Variants in RAD21L1 observed in about 807,000 individuals in gnomAD.
RAD21L1 encodes the protein double-strand-break repair protein rad21-like protein 1.
A neutral mutation model predicts 69.0 loss-of-function variants in RAD21L1; 47 were observed. The ratio of observed to expected loss-of-function variants is 0.68; its 90% CI spans 0.54 to 0.87. RAD21L1 has a LOEUF of 0.87. Among genes scored for constraint, RAD21L1 ranks in the 40% least tolerant of loss-of-function variants. The pLI is 0.00. For missense variants in RAD21L1, 583 were observed against 647.6 expected (o/e 0.90, Z 1.08); for synonymous variants, 177 against 205.8 (o/e 0.86, Z 1.20).
rs1211008577 is a variant in RAD21L1, at chr20:1,246,176, G to A, written c.1309-37G>A. 8.7e-7 allele frequency: 1 copy of A among 1,153,644 alleles called. No homozygotes were observed. Among genetic ancestry groups the A allele is most frequent in the Non-Finnish European group, 1.2e-6 (1 of 809,006 alleles). The allele number at this position is 1,153,644 out of a possible 1,614,324, so 71.5% of individuals were successfully genotyped here. On this transcript the variant is annotated intron_variant, in intron 11 of 13. Transcript: ENST00000683101. The surrounding 1 kb of genome is among the most constrained non-coding windows in gnomAD (Gnocchi z 4.6). The stretch of plus-strand genomic sequence containing the variant: ...TTAGATTGTTCCTGTATAACCACTG[G>A]CAGATTTACCTAACTTTCCCTAATT...
intron 5 of RAD21L1, among the ~76,000 whole-genome samples, chr20:1,234,757 AT>A (rs200990103): frequency 2.7e-5 from 4 of 150,572 alleles, no homozygotes; most frequent in African/African-American, 4.9e-5. Flanking sequence ...TTATTTTTAA[AT>A]TTTTTTTTTG....
chr20:1,238,264 C>T, intron 6 of RAD21L1, 50 bp downstream of exon 6: 1 of 1,228,560 alleles, frequency 8.1e-7, no homozygotes, highest in Non-Finnish European at 1.1e-6. Context: ...CATCAAATTA[C>T]TACAATATAT....
rs1369753551 is a variant in RAD21L1 at position 1,254,629 on chromosome 20, T to A, written c.*172T>A. On this transcript the variant is annotated 3_prime_UTR_variant, in exon 14 of 14. Coordinates refer to ENST00000683101, the MANE Select transcript of RAD21L1 (RefSeq NM_001384355.1). Reference sequence around the variant, plus strand: ...TCATAGCTAGAATTGGAAACCTACATGCTTACAAAGAAATACTTTAAATTC... The same window carrying A: ...TCATAGCTAGAATTGGAAACCTACAAGCTTACAAAGAAATACTTTAAATTC... 1 of 422,382 alleles carries A rather than the reference T, an allele frequency of 2.4e-6. No homozygotes were observed. The highest frequency in any genetic ancestry group is 2.0e-5 in the African/African-American group (1 of 49,002). 26.2% of individuals were successfully genotyped at this position (422,382 alleles called of 1,614,324 possible). A position where few individuals can be genotyped will look rare whatever the true frequency, so the allele number is the denominator to read the frequency against.
intron 1 of RAD21L1, chr20:1,226,476 T>C (rs2087262223): frequency 6.5e-6 from 1 of 152,742 alleles, no homozygotes; most frequent in Non-Finnish European, 1.5e-5. Flanking sequence ...AGCGTGGCCG[T>C]CAGCTCTTCC....
chr20:1,234,985 C>T (rs2087465322), intron 5 of RAD21L1, among the ~76,000 whole-genome samples: 1 of 152,164 alleles, frequency 6.6e-6, no homozygotes, highest in South Asian at 2.1e-4. Flanking sequence ...TCAAGCAATC[C>T]TCCTGCCTCA....
chr20:1,239,119 G>C (rs1008837474), intron 6 of RAD21L1, among the ~76,000 whole-genome samples, 193 bp from the exon 7 acceptor site: 1 of 152,048 alleles, frequency 6.6e-6, no homozygotes, highest in South Asian at 2.1e-4. Flanking sequence ...GAGCCACTGC[G>C]CCCAGCCAAA....
intron 4 of RAD21L1, among the ~76,000 whole-genome samples, chr20:1,232,104 G>A (rs2087402471): frequency 6.6e-6 from 1 of 152,188 alleles, no homozygotes; most frequent in Non-Finnish European, 1.5e-5. Flanking sequence ...GAACAAATCA[G>A]TAATGTGGGG....
At chr20:1,247,747 A>G (rs574374542) in intron 12 of RAD21L1, among the ~76,000 whole-genome samples, 1 of 152,220 alleles carries the variant, frequency 6.6e-6, no homozygotes, top group South Asian at 2.1e-4. Flanking sequence ...AAGCACTTTT[A>G]GGAAGTGTCT....
rs1025292351 is a variant in RAD21L1 at position 1,235,716 on chromosome 20, G to A, written c.475+1525G>A. Among the ~76,000 whole-genome samples the A allele has an allele frequency of 4.0e-5, 6 of 151,630 alleles. 1 individual carries two copies. The highest frequency in any genetic ancestry group is 1.5e-4 in the African/African-American group (6 of 41,252). ...AGGTAATCATATTCCCTACTCCCAA[G>A]ACACTCTTTACAAATTCCCCTACTA... On this transcript the variant is annotated intron_variant, in intron 5 of 13. Transcript: ENST00000683101.
chr20:1,229,104 C>T (rs2087330753), intron 2 of RAD21L1, among the ~76,000 whole-genome samples: 1 of 152,166 alleles, frequency 6.6e-6, no homozygotes, highest in African/African-American at 2.4e-5. Flanking sequence ...AAATTGAAAG[C>T]CTATGGTGTG....
intron 4 of RAD21L1, among the ~76,000 whole-genome samples, chr20:1,233,101 T>C (rs937593524): frequency 5.3e-5 from 8 of 152,204 alleles, no homozygotes; most frequent in African/African-American, 1.9e-4. Context: ...AATAAATTTC[T>C]GTTGTTTATC....
chr20:1,238,519 T>C (rs370772662), intron 6 of RAD21L1, among the ~76,000 whole-genome samples: 2 of 152,226 alleles, frequency 1.3e-5, no homozygotes, highest in East Asian at 3.9e-4. Flanking sequence ...TTATAAAATA[T>C]ACTAGGCTAT....
chr20:1,245,178 C>G (rs980827431), intron 11 of RAD21L1, among the ~76,000 whole-genome samples: 1 of 152,138 alleles, frequency 6.6e-6, no homozygotes, highest in African/African-American at 2.4e-5. Context: ...AACCTTTACT[C>G]CTTTACCTTA....
At chr20:1,234,271 C>A in intron 5 of RAD21L1, 80 bp downstream of exon 5, 1 of 693,088 alleles carries the variant, frequency 1.4e-6, no homozygotes, top group African/African-American at 1.8e-5. Flanking sequence ...TGCCAGTAGA[C>A]GTAGCTATAG....
intron 5 of RAD21L1, among the ~76,000 whole-genome samples, chr20:1,236,756 T>G (rs1249108548): frequency 6.6e-6 from 1 of 152,244 alleles, no homozygotes; most frequent in East Asian, 1.9e-4. Context: ...CTATAAAAAC[T>G]GCTTCAAACC....
intron 5 of RAD21L1, among the ~76,000 whole-genome samples, chr20:1,235,736 C>T (rs1363787066): frequency 1.3e-5 from 2 of 151,860 alleles, no homozygotes; most frequent in Non-Finnish European, 2.9e-5. Context: ...ACAAATTCCC[C>T]TACTATTCTT....
Position 1,243,122 on chromosome 20 carries a change from C to T in RAD21L1, c.1109C>T (p.Ser370Phe), listed in dbSNP as rs2087651315. ...TTGTTTACAAAATGCTTTCTGTCCT[C>T]TGGCTTTAAACTTGGAAGAAAAATG... is the stretch of plus-strand genomic sequence containing the variant. Reference protein sequence around the residue: ...KMLFTKCFLSSGFKLGRKMIQ... With the variant: ...KMLFTKCFLSFGFKLGRKMIQ... The change falls in exon 10 of 14, where the codon TCT (serine) becomes TTT (phenylalanine). Residue 370 changes from serine (S) to phenylalanine (F), a missense_variant. Transcript: ENST00000683101. 6.5e-7 allele frequency: 1 copy of T among 1,536,356 alleles called. No homozygotes were observed.
Position 1,246,221 on chromosome 20 carries a change from T to C in RAD21L1, c.1317T>C (p.Val439=). ...TNKNINSEDI[V]EMVSLAAEES... ...CTAATTTGCTTCAGCAGGATATTGT[T>C]GAAATGGTGTCTTTAGCTGCTGAGG... is the stretch of plus-strand genomic sequence containing the variant. Residue 439 remains valine, a synonymous_variant, in exon 12 of 14, where the codon GTT becomes GTC. Coordinates refer to ENST00000683101, the MANE Select transcript of RAD21L1 (RefSeq NM_001384355.1). This position sits in a 1 kb window ranked among gnomAD's most constrained non-coding sequence, Gnocchi z 4.6. 1 of 1,535,768 alleles carries C rather than the reference T, an allele frequency of 6.5e-7. No individual in the cohort carries two copies. Among genetic ancestry groups the C allele is most frequent in the Non-Finnish European group, 8.8e-7 (1 of 1,139,992 alleles).
chr20:1,237,916 A>G (rs2087533128), intron 5 of RAD21L1, 128 bp from the exon 6 acceptor site: 2 of 498,596 alleles, frequency 4.0e-6, no homozygotes, highest in Non-Finnish European at 6.9e-6. Context: ...TAAGTCTTTC[A>G]GCCATTCTCT....
Sources: gnomAD v4.1 joint callset for allele counts (sites outside exome capture counted in the v4.1 genomes callset) on GRCh38, gnomAD v4.1.1 for gene constraint, Gnocchi (gnomAD v3.1) non-coding constraint, MANE v1.5 for transcripts, NCBI Gene and HGNC (gene_info 2026-07-23, HGNC 2026-07-21) for gene names.